The following NALCN variants were observed in gnomAD, a reference collection of about 807,000 sequenced individuals.
The protein encoded by NALCN is sodium leak channel, non-selective.
Under a neutral mutation model 225.3 loss-of-function variants are expected in NALCN, and 111 were observed. That is an observed-to-expected ratio of 0.49 (90% confidence interval 0.42 to 0.58). The LOEUF (loss-of-function observed/expected upper bound fraction) is 0.58, where lower values mean the gene tolerates loss of function less well. NALCN is among the 20% of genes least tolerant of loss of function. The pLI, the probability that NALCN is intolerant of heterozygous loss-of-function variation, is 0.00. For missense variants in NALCN, 1,378 were observed against 2,202.4 expected, an observed-to-expected ratio of 0.63 and a Z score of 7.49; for synonymous variants, 764 against 769.0, an observed-to-expected ratio of 0.99 and a Z score of 0.11.
intron 13 of NALCN, among the ~76,000 whole-genome samples, chr13:101,194,549 G>T (rs1460452917): frequency 6.6e-6 from 1 of 152,190 alleles, no homozygotes; most frequent in African/African-American, 2.4e-5. Context: ...GACTTACATT[G>T]TCCGTAGGGC....
At chr13:101,260,457 T>C (rs957704198) in intron 10 of NALCN, among the ~76,000 whole-genome samples, 5 of 152,218 alleles carry the variant, frequency 3.3e-5, no homozygotes, top group Admixed American at 6.5e-5. Context: ...CTGTTCTCCA[T>C]AGTGATTGTA....
At chr13:101,341,823 A>T (rs2045568093) in intron 7 of NALCN, among the ~76,000 whole-genome samples, 5 of 152,154 alleles carry the variant, frequency 3.3e-5, no homozygotes, top group Admixed American at 3.3e-4. Context: ...GGGTGATGCT[A>T]CCAGAAGGTA....
chr13:101,129,281 T>A (rs2036394709), intron 17 of NALCN, among the ~76,000 whole-genome samples: 2 of 152,236 alleles, frequency 1.3e-5, no homozygotes, highest in African/African-American at 4.8e-5. Flanking sequence ...TTTTCTATCA[T>A]CGCTCAAGGT....
chr13:101,412,749 G>A (rs1257803065), intron 1 of NALCN, among the ~76,000 whole-genome samples: 1 of 152,136 alleles, frequency 6.6e-6, no homozygotes, highest in Admixed American at 6.5e-5. Context: ...TGCAGCCTAG[G>A]AAAGAAAGAT....
chr13:101,063,794 AC>A (rs1188625789), intron 40 of NALCN, among the ~76,000 whole-genome samples: 5 of 151,980 alleles, frequency 3.3e-5, no homozygotes, highest in Non-Finnish European at 5.9e-5. Flanking sequence ...AATTTGAGAC[AC>A]AACACAATAT....
chr13:101,241,804 T>TTCAC (rs1267029517), intron 11 of NALCN, among the ~76,000 whole-genome samples: 2 of 109,274 alleles, frequency 1.8e-5, no homozygotes, highest in Non-Finnish European at 2.1e-5. Flanking sequence ...ATCCTTTCCC[T>TTCAC]CTGAGGGATG....
At chr13:101,216,847 G>C (rs2040754501) in intron 13 of NALCN, among the ~76,000 whole-genome samples, 1 of 152,010 alleles carries the variant, frequency 6.6e-6, no homozygotes, top group Non-Finnish European at 1.5e-5. Flanking sequence ...AACTGTTTTG[G>C]ACATATTTTA....
intron 7 of NALCN, among the ~76,000 whole-genome samples, chr13:101,326,997 A>G (rs577072881): frequency 6.6e-6 from 1 of 152,288 alleles, no homozygotes; most frequent in East Asian, 1.9e-4. Context: ...GTGGGACCTT[A>G]GTTCCAAAAC....
At chr13:101,190,045 C>T (rs1266428222) in intron 14 of NALCN, among the ~76,000 whole-genome samples, 1 of 152,092 alleles carries the variant, frequency 6.6e-6, no homozygotes, top group African/African-American at 2.4e-5. Context: ...TTAGTGACCC[C>T]AGTAGAATTT....
At chr13:101,080,625 ATTAT>A (rs2033577103) in intron 34 of NALCN, among the ~76,000 whole-genome samples, 1 of 124,760 alleles carries the variant, frequency 8.0e-6, no homozygotes, top group Non-Finnish European at 1.8e-5. Flanking sequence ...AATTAAATTA[ATTAT>A]TTAATTAAAT....
Position 101,055,381 on chromosome 13 carries a change from A to T in NALCN, c.5131T>A (p.Ser1711Thr). The stretch of plus-strand genomic sequence containing the variant: ...CACTTCTTAACTTCAGAACCGCAGG[A>T]AGCCGCGTCAGTCATGGGGTTCATT... ...CKMNPMTDAA[S>T]CGSEVKKWWT... Residue 1711 changes from serine to threonine, a missense_variant, in exon 44 of 44, where the codon TCC (serine) becomes ACC (threonine). Transcript: ENST00000251127. 6.2e-7 allele frequency: 1 copy of T among 1,614,172 alleles called. No homozygotes were observed. The highest frequency in any genetic ancestry group is 1.1e-5 in the South Asian group (1 of 91,076).
At chr13:101,414,524 C>T (rs2047878204) in intron 1 of NALCN, among the ~76,000 whole-genome samples, 1 of 140,184 alleles carries the variant, frequency 7.1e-6, no homozygotes. Context: ...TGTGTATACA[C>T]ATACATGCAC....
intron 22 of NALCN, among the ~76,000 whole-genome samples, chr13:101,105,765 A>G (rs922749501): frequency 6.6e-6 from 1 of 152,210 alleles, no homozygotes; most frequent in African/African-American, 2.4e-5. Flanking sequence ...TCTTTATAGA[A>G]CAGCAGAAAG....
intron 15 of NALCN, among the ~76,000 whole-genome samples, chr13:101,162,824 G>C (rs1264070075): frequency 2.0e-5 from 3 of 152,232 alleles, no homozygotes; most frequent in South Asian, 2.1e-4. Context: ...CAGTTAAGCA[G>C]TGGGTGGTGT....
rs1319668509 is a variant in NALCN at position 101,071,743 on chromosome 13, T to G, written c.4197+1841A>C. ...AGCATTTTAATTCCCTTCAAGAACTTTTCCTTTGAATTTACAACTTGAGTA... is the reference window on the plus strand; with the variant it reads ...AGCATTTTAATTCCCTTCAAGAACTGTTCCTTTGAATTTACAACTTGAGTA... On this transcript the variant is annotated intron_variant, in intron 37 of 43. Coordinates refer to ENST00000251127, the MANE Select transcript of NALCN (RefSeq NM_052867.4). 2.6e-5 allele frequency among the ~76,000 whole-genome samples: 4 copies of G among 152,228 alleles called. No homozygotes were observed. The East Asian group carries it at 7.7e-4, about 29-fold the overall frequency.
intron 7 of NALCN, among the ~76,000 whole-genome samples, chr13:101,324,355 A>G (rs1386162841): frequency 6.6e-6 from 1 of 152,228 alleles, no homozygotes; most frequent in Non-Finnish European, 1.5e-5. Flanking sequence ...GAAACACTAA[A>G]ACTTTGTAAC....
At chr13:101,223,370 G>A (rs2041019898) in intron 13 of NALCN, among the ~76,000 whole-genome samples, 1 of 152,114 alleles carries the variant, frequency 6.6e-6, no homozygotes, top group Non-Finnish European at 1.5e-5. Context: ...TATACCCCCA[G>A]TAAAAAGGGT....
chr13:101,182,699 G>A (rs914158737), intron 14 of NALCN, among the ~76,000 whole-genome samples: 3 of 152,122 alleles, frequency 2.0e-5, no homozygotes, highest in African/African-American at 7.2e-5. Context: ...ACTGTGATAA[G>A]GTGGCAACTG....
intron 4 of NALCN, among the ~76,000 whole-genome samples, chr13:101,378,038 T>C (rs1437581130): frequency 6.6e-6 from 1 of 152,118 alleles, no homozygotes; most frequent in Non-Finnish European, 1.5e-5. Context: ...TATCCAAATA[T>C]GGGGAGACTA....
Sources: allele counts gnomAD v4.1 joint callset (sites outside exome capture counted in the v4.1 genomes callset), GRCh38; gene constraint gnomAD v4.1.1; transcripts MANE v1.5; gene names NCBI Gene and HGNC (gene_info 2026-07-23, HGNC 2026-07-21).